TSPAN15: variants seen among roughly 807,000 people sequenced by gnomAD.
TSPAN15 encodes the protein tetraspanin-15.
TSPAN15 carries 20 observed loss-of-function variants against 34.5 expected under a neutral mutation model. The observed-to-expected ratio is 0.58, with a 90% CI of 0.41 to 0.84. The LOEUF (loss-of-function observed/expected upper bound fraction) is 0.84, where lower values mean the gene tolerates loss of function less well. TSPAN15 is among the 40% of genes least tolerant of loss of function. The probability of loss-of-function intolerance (pLI) is 0.00; values close to 1 mark genes in which losing one functional copy is unlikely to be tolerated. For missense variants in TSPAN15, 313 were observed against 386.1 expected (o/e 0.81, Z 1.59); for synonymous variants, 155 against 153.9 (o/e 1.01, Z -0.05).
intron 1 of TSPAN15, among the ~76,000 whole-genome samples, chr10:69,479,725 T>C (rs931435369): frequency 5.3e-5 from 8 of 152,232 alleles, no homozygotes; most frequent in Non-Finnish European, 8.8e-5. Flanking sequence ...TAAATATCAT[T>C]TGGAAATTTT....
chr10:69,515,821 C>T, the TSPAN15 span, among the ~76,000 whole-genome samples: 2 of 152,182 alleles, frequency 1.3e-5, no homozygotes, highest in African/African-American at 4.8e-5. Context: ...CGCTAGGTGG[C>T]GCGGCTGACC....
chr10:69,464,425 G>A (rs1043469130), intron 1 of TSPAN15, among the ~76,000 whole-genome samples: 1 of 152,212 alleles, frequency 6.6e-6, no homozygotes, highest in Non-Finnish European at 1.5e-5. Context: ...ACTGTGGGGA[G>A]TGAGGCTTCT....
the TSPAN15 span, among the ~76,000 whole-genome samples, chr10:69,514,252 T>C: frequency 6.6e-6 from 1 of 152,242 alleles, no homozygotes; most frequent in Non-Finnish European, 1.5e-5. Context: ...ACCCTTTTAA[T>C]ATATTGTTGG....
rs772047337 is a variant in TSPAN15, at chr10:69,483,808, G to A, written c.214G>A (p.Val72Ile). ...PAIILILLGV[V>I]MFMVSFIGVL... The stretch of plus-strand genomic sequence containing the variant: ...CATCATCCTCATCCTCCTGGGCGTC[G>A]TCATGTTCATGGTCTCCTTCATTGG... Residue 72 changes from valine to isoleucine, a missense_variant, in exon 2 of 8, where the codon GTC (valine) becomes ATC (isoleucine). Val to Ile is a conservative substitution (Grantham distance 29). Coordinates refer to ENST00000373290, the MANE Select transcript of TSPAN15 (RefSeq NM_012339.5). 1.4e-5 allele frequency: 22 copies of A among 1,614,026 alleles called. No individual in the cohort carries two copies. In the Middle Eastern group the frequency reaches 4.9e-4, roughly 36 times the overall value.
chr10:69,491,146 G>A (rs1322809649), intron 3 of TSPAN15, among the ~76,000 whole-genome samples: 1 of 152,220 alleles, frequency 6.6e-6, no homozygotes, highest in Admixed American at 6.5e-5. Context: ...TCTGGCAGAT[G>A]CTCACTCCAC....
downstream of TSPAN15, among the ~76,000 whole-genome samples, chr10:69,510,456 C>T (rs548176462): frequency 1.1e-4 from 16 of 152,182 alleles, no homozygotes; most frequent in Non-Finnish European, 2.4e-4. Context: ...AGTTGCTTAT[C>T]GGCTTAAGGA....
intron 1 of TSPAN15, among the ~76,000 whole-genome samples, chr10:69,465,374 T>C (rs1485511289): frequency 6.6e-6 from 1 of 152,210 alleles, no homozygotes. Context: ...CTACAGTATT[T>C]TCCTTCTCCA....
At chr10:69,492,346 C>T (rs1841986356) in intron 3 of TSPAN15, among the ~76,000 whole-genome samples, 1 of 152,212 alleles carries the variant, frequency 6.6e-6, no homozygotes, top group African/African-American at 2.4e-5. Context: ...TCTTCTCACA[C>T]ACACCCACCC....
chr10:69,499,335 C>G (rs949990021), intron 5 of TSPAN15, among the ~76,000 whole-genome samples: 37 of 152,294 alleles, frequency 2.4e-4, no homozygotes, highest in Admixed American at 1.6e-3. Context: ...GCCAAGTGCA[C>G]TAGCTCTAAA....
At chr10:69,543,258 G>A in the TSPAN15 span, among the ~76,000 whole-genome samples, 1 of 152,124 alleles carries the variant, frequency 6.6e-6, no homozygotes, top group Non-Finnish European at 1.5e-5. Flanking sequence ...CCAAAGGGGG[G>A]TAAGACATCC....
intron 1 of TSPAN15, among the ~76,000 whole-genome samples, chr10:69,476,152 A>G (rs1841610095): frequency 6.6e-6 from 1 of 152,078 alleles, no homozygotes. Flanking sequence ...GAGATCTAAG[A>G]ATATCTAGGA....
intron 1 of TSPAN15, among the ~76,000 whole-genome samples, chr10:69,481,540 C>G (rs1841735401): frequency 6.6e-6 from 1 of 152,210 alleles, no homozygotes; most frequent in South Asian, 2.1e-4. Flanking sequence ...ACTTAGCTCT[C>G]TTTAGAAGGA....
At chr10:69,457,682 A>G (rs944719109) in intron 1 of TSPAN15, among the ~76,000 whole-genome samples, 3 of 152,188 alleles carry the variant, frequency 2.0e-5, no homozygotes, top group African/African-American at 7.2e-5. Context: ...TTATAGTTTA[A>G]TGGTTAAGAG....
intron 3 of TSPAN15, among the ~76,000 whole-genome samples, chr10:69,489,693 G>A (rs1040697083): frequency 3.9e-5 from 6 of 152,216 alleles, no homozygotes; most frequent in East Asian, 1.9e-4. Context: ...ACTCCCCCTG[G>A]CTCTGACCCC....
chr10:69,462,009 C>A (rs114730541), intron 1 of TSPAN15, among the ~76,000 whole-genome samples: 1 of 146,264 alleles, frequency 6.8e-6, no homozygotes, highest in Admixed American at 7.1e-5. Context: ...ATTATAATGA[C>A]AGGGTCTTGC....
downstream of TSPAN15, among the ~76,000 whole-genome samples, chr10:69,508,388 C>T (rs1842378266): frequency 7.4e-6 from 1 of 134,758 alleles, no homozygotes. Context: ...TTGTGGTGAG[C>T]CGAGATCACA....
At chr10:69,534,668 T>C in the TSPAN15 span, among the ~76,000 whole-genome samples, 8 of 152,122 alleles carry the variant, frequency 5.3e-5, no homozygotes, top group African/African-American at 1.9e-4. Context: ...AGATGTAATA[T>C]AGTAGATGTT....
intron 2 of TSPAN15, among the ~76,000 whole-genome samples, chr10:69,484,427 A>T (rs1841805979): frequency 6.6e-6 from 1 of 152,288 alleles, no homozygotes; most frequent in Non-Finnish European, 1.5e-5. Flanking sequence ...CCATTCTGGG[A>T]TGGGGCATGG....
intron 1 of TSPAN15, among the ~76,000 whole-genome samples, chr10:69,476,575 A>T (rs1841618586): frequency 6.6e-6 from 1 of 151,782 alleles, no homozygotes; most frequent in African/African-American, 2.4e-5. Context: ...TCAAAAAAAA[A>T]AAAAAAGTAA....
Sources: gnomAD v4.1 joint callset for allele counts (sites outside exome capture counted in the v4.1 genomes callset) on GRCh38, gnomAD v4.1.1 for gene constraint, MANE v1.5 for transcripts, NCBI Gene and HGNC (gene_info 2026-07-23, HGNC 2026-07-21) for gene names.